DOCK1: variants seen among roughly 807,000 people sequenced by gnomAD.
DOCK1 encodes the protein dedicator of cytokinesis protein 1.
DOCK1 carries 138 observed loss-of-function variants against 262.7 expected under a neutral mutation model. That is an observed-to-expected ratio of 0.53 (90% confidence interval 0.46 to 0.61). DOCK1 has a LOEUF of 0.61. Ranked by LOEUF, DOCK1 falls within the 20% of genes least tolerant of loss-of-function variation. The pLI is 0.00. For synonymous variants in DOCK1, 866 were observed against 867.4 expected (o/e 1.00, Z 0.03); for missense variants, 1,908 against 2,370.7 (o/e 0.80, Z 4.05).
At chr10:127,006,994 TG>T (rs2041078662) in intron 10 of DOCK1, among the ~76,000 whole-genome samples, 1 of 151,940 alleles carries the variant, frequency 6.6e-6, no homozygotes, top group African/African-American at 2.4e-5. Context: ...GGTAAAAAGG[TG>T]GGTGCTGCAG....
chr10:127,239,549 A>G (rs2059189521), intron 27 of DOCK1, among the ~76,000 whole-genome samples: 1 of 152,154 alleles, frequency 6.6e-6, no homozygotes, highest in African/African-American at 2.4e-5. Flanking sequence ...ATTTTAGCTA[A>G]GAAAGAGTTT....
chr10:126,961,390 C>T (rs1258225477), intron 1 of DOCK1, among the ~76,000 whole-genome samples: 1 of 152,120 alleles, frequency 6.6e-6, no homozygotes, highest in East Asian at 1.9e-4. Context: ...GAGTTGGAGA[C>T]CAGCCTGGCC....
At chr10:127,383,523 G>A (rs2065933962) in intron 37 of DOCK1, among the ~76,000 whole-genome samples, 2 of 152,198 alleles carry the variant, frequency 1.3e-5, no homozygotes. Flanking sequence ...CTTGCAGACC[G>A]CTTAAAGGCT....
intron 12 of DOCK1, chr10:127,015,940 C>G (rs2041846513): frequency 6.6e-6 from 1 of 152,314 alleles, no homozygotes; most frequent in Non-Finnish European, 1.5e-5. Context: ...TCTGGGGGCT[C>G]CACCTCCCCT....
chr10:127,227,542 A>G (rs2058689383), intron 27 of DOCK1, among the ~76,000 whole-genome samples: 1 of 152,186 alleles, frequency 6.6e-6, no homozygotes, highest in African/African-American at 2.4e-5. Context: ...TGAAACATCT[A>G]GCTACACAAG....
At chr10:126,933,203 A>G (rs2034311361) in intron 1 of DOCK1, among the ~76,000 whole-genome samples, 2 of 152,124 alleles carry the variant, frequency 1.3e-5, no homozygotes, top group Admixed American at 6.5e-5. Context: ...GTGAAAGTAC[A>G]ACTTTATTTT....
chr10:126,935,894 G>C (rs1312640589), intron 1 of DOCK1, among the ~76,000 whole-genome samples: 2 of 152,230 alleles, frequency 1.3e-5, no homozygotes, highest in African/African-American at 4.8e-5. Flanking sequence ...GGACGAGGCT[G>C]AAATGTGTAA....
At chr10:126,948,082 A>ATGG (rs2035708103) in intron 1 of DOCK1, among the ~76,000 whole-genome samples, 1 of 24,172 alleles carries the variant, frequency 4.1e-5, no homozygotes, top group African/African-American at 1.5e-4. Context: ...GTTGGTGGTG[A>ATGG]TGGTGGTGGT....
At chr10:126,950,149 C>G (rs960877231) in intron 1 of DOCK1, among the ~76,000 whole-genome samples, 17 of 152,092 alleles carry the variant, frequency 1.1e-4, no homozygotes, top group South Asian at 6.3e-4. Context: ...AGGTAGTCCA[C>G]GAGAAGCAGT....
rs200232230 is a variant in DOCK1, at chr10:127,156,498, ATCTTT to A, written c.2847+28739_2847+28743del. 8.2e-3 allele frequency among the ~76,000 whole-genome samples: 1,224 copies of A among 150,124 alleles called. 23 individuals carry two copies. The highest frequency in any genetic ancestry group is 0.028 in the African/African-American group (1,147 of 40,798). On this transcript the variant is annotated intron_variant, in intron 27 of 51. Coordinates refer to ENST00000623213, the MANE Select transcript of DOCK1 (RefSeq NM_001290223.2). ...CTTCAGTAAGAAATTGCTTTTCTGAATCTTTTCTTCTCTTTTCTTTACTTTTCTTT... is the reference window on the plus strand; with the variant it reads ...CTTCAGTAAGAAATTGCTTTTCTGAATCTTCTCTTTTCTTTACTTTTCTTT...
intron 27 of DOCK1, among the ~76,000 whole-genome samples, chr10:127,222,095 T>G (rs1045435888): frequency 1.3e-5 from 2 of 152,186 alleles, no homozygotes; most frequent in African/African-American, 4.8e-5. Context: ...GAGATGCAGT[T>G]TTAATAGCGT....
chr10:127,067,954 G>A (rs2045974202), intron 23 of DOCK1, among the ~76,000 whole-genome samples: 1 of 152,004 alleles, frequency 6.6e-6, no homozygotes, highest in East Asian at 1.9e-4. Context: ...CACAGATGCA[G>A]AAGGTTTGTC....
chr10:126,990,850 T>A (rs1391214984), intron 6 of DOCK1, among the ~76,000 whole-genome samples: 1 of 152,202 alleles, frequency 6.6e-6, no homozygotes, highest in African/African-American at 2.4e-5. Context: ...AGGGAGCCTG[T>A]CATTTTCACC....
chr10:127,023,145 A>G, intron 13 of DOCK1, 55 bp from the exon 14 acceptor site: 2 of 1,594,792 alleles, frequency 1.3e-6, no homozygotes, highest in Non-Finnish European at 1.7e-6. Flanking sequence ...CAAAATTCAC[A>G]ATTACGCTAT....
chr10:127,046,753 G>A (rs1970427), intron 21 of DOCK1, among the ~76,000 whole-genome samples: 5,324 of 92,534 alleles, frequency 0.058, 357 homozygotes, highest in African/African-American at 0.2. Flanking sequence ...GCGACACTAC[G>A]TCTCAAAAAA....
At chr10:127,420,897 GTTTA>G (rs60591324) in intron 46 of DOCK1, among the ~76,000 whole-genome samples, 55,789 of 128,786 alleles carry the variant, frequency 0.43, 10,638 homozygotes, top group African/African-American at 0.56. Context: ...ACCGTGAGCA[GTTTA>G]TTTGTTTGTT....
intron 1 of DOCK1, among the ~76,000 whole-genome samples, chr10:126,912,407 G>A (rs1228146000): frequency 1.3e-5 from 2 of 148,482 alleles, no homozygotes; most frequent in Non-Finnish European, 3.0e-5. Flanking sequence ...TTCAGCCTGG[G>A]CAACAAGAGC....
chr10:127,292,577 G>A (rs1395291811), intron 29 of DOCK1, among the ~76,000 whole-genome samples: 1 of 152,170 alleles, frequency 6.6e-6, no homozygotes, highest in Admixed American at 6.5e-5. Context: ...ATGAAGAAAA[G>A]ACAGTTGGTA....
intron 29 of DOCK1, among the ~76,000 whole-genome samples, chr10:127,277,745 A>G (rs1426625691): frequency 6.6e-6 from 1 of 152,186 alleles, no homozygotes; most frequent in East Asian, 1.9e-4. Flanking sequence ...CCTGGGTGAC[A>G]GAGCGAGACT....
Sources: gnomAD v4.1 joint callset for allele counts (sites outside exome capture counted in the v4.1 genomes callset) on GRCh38, gnomAD v4.1.1 for gene constraint, MANE v1.5 for transcripts, NCBI Gene and HGNC (gene_info 2026-07-23, HGNC 2026-07-21) for gene names.